LRRIQ3: variants seen among roughly 807,000 people sequenced by gnomAD.
LRRIQ3 encodes leucine-rich repeat and IQ domain-containing protein 3.
LRRIQ3 carries 75 observed loss-of-function variants against 59.3 expected under a neutral mutation model. The ratio of observed to expected loss-of-function variants is 1.26; its 90% CI spans 1.05 to 1.53. The LOEUF is 1.53. Among genes scored for constraint, LRRIQ3 ranks in the 40% most tolerant of loss-of-function variants. The pLI, the probability that LRRIQ3 is intolerant of heterozygous loss-of-function variation, is 0.00. For missense variants in LRRIQ3, 831 were observed against 710.0 expected (o/e 1.17, Z -1.94); for synonymous variants, 250 against 231.3 (o/e 1.08, Z -0.73).
chr1:74,069,803 T>C (rs1654969332), intron 6 of LRRIQ3, among the ~76,000 whole-genome samples: 2 of 152,106 alleles, frequency 1.3e-5, no homozygotes, highest in South Asian at 2.1e-4. Flanking sequence ...TACAATAATA[T>C]GCAAGCTCCA....
At chr1:74,072,211 T>C (rs1239398025) in intron 6 of LRRIQ3, among the ~76,000 whole-genome samples, 1 of 152,076 alleles carries the variant, frequency 6.6e-6, no homozygotes, top group African/African-American at 2.4e-5. Context: ...TCAGAAACAT[T>C]AAGCATCGCA....
At chr1:74,080,032 T>C (rs980700) in intron 5 of LRRIQ3, among the ~76,000 whole-genome samples, 19 of 151,734 alleles carry the variant, frequency 1.3e-4, no homozygotes, top group African/African-American at 4.6e-4. Flanking sequence ...TCTGAATTTT[T>C]TGGTGTTTCT....
At chr1:74,152,615 G>A (rs973954980) in intron 4 of LRRIQ3, among the ~76,000 whole-genome samples, 80 of 152,268 alleles carry the variant, frequency 5.3e-4, no homozygotes, top group African/African-American at 1.9e-3. Flanking sequence ...AACATTTGGG[G>A]TGTTAACATG....
At chr1:74,075,425 G>T (rs897193214) in intron 5 of LRRIQ3, among the ~76,000 whole-genome samples, 3 of 152,072 alleles carry the variant, frequency 2.0e-5, no homozygotes, top group African/African-American at 7.2e-5. Context: ...AAATTAGCCA[G>T]GTGTGGTGGT....
intron 5 of LRRIQ3, among the ~76,000 whole-genome samples, chr1:74,085,420 C>T (rs980237374): frequency 3.3e-5 from 5 of 150,216 alleles, no homozygotes; most frequent in African/African-American, 4.9e-5. Flanking sequence ...AAAAGGAGGT[C>T]GAATATAAAT....
intron 3 of LRRIQ3, among the ~76,000 whole-genome samples, chr1:74,162,332 C>T (rs1031817991): frequency 6.6e-6 from 1 of 151,684 alleles, no homozygotes; most frequent in Non-Finnish European, 1.5e-5. Context: ...AAGATAATCA[C>T]TACAAATGTT....
intron 4 of LRRIQ3, among the ~76,000 whole-genome samples, chr1:74,129,837 C>G (rs1171443225): frequency 6.6e-6 from 1 of 151,932 alleles, no homozygotes; most frequent in Non-Finnish European, 1.5e-5. Context: ...CTCTTCAAGA[C>G]AGTGGATTCT....
intron 5 of LRRIQ3, among the ~76,000 whole-genome samples, chr1:74,101,701 C>T (rs1031100921): frequency 1.3e-5 from 2 of 152,092 alleles, no homozygotes; most frequent in African/African-American, 2.4e-5. Flanking sequence ...AAATGTGGCA[C>T]ATATACACCA....
chr1:74,156,491 A>T (rs938874418), intron 3 of LRRIQ3, among the ~76,000 whole-genome samples: 1 of 152,150 alleles, frequency 6.6e-6, no homozygotes, highest in Admixed American at 6.6e-5. Context: ...TACACAAAAC[A>T]TAAGATTCTT....
chr1:74,084,337 A>C, intron 5 of LRRIQ3: 1 of 1,015,698 alleles, frequency 9.8e-7, no homozygotes, highest in South Asian at 1.9e-5. Context: ...AGTGAGCTCA[A>C]GATTTGCTTT....
In LRRIQ3 at chr1:74,060,312, TTCC is replaced by T. The variant is rs368888459; in HGVS notation, c.997+14346_997+14348del. On this transcript the variant is annotated intron_variant, in intron 6 of 7. Transcript: ENST00000354431. ...CCTCTTCCTCCTCTTCCTCTTCTTC[TTCC>T]TCCTCCTCCTCCTCTTCCACCTCCT... 5.8e-3 allele frequency among the ~76,000 whole-genome samples: 867 copies of T among 149,748 alleles called. 10 individuals are homozygous for T. The highest frequency in any genetic ancestry group is 0.026 in the East Asian group (132 of 5,042).
chr1:74,041,287 T>G lies in LRRIQ3; in HGVS notation c.1644A>C (p.Lys548Asn). 1 of 1,609,444 alleles carries G rather than the reference T, an allele frequency of 6.2e-7. No homozygotes were observed. Among genetic ancestry groups the G allele is most frequent in the Non-Finnish European group, 8.5e-7 (1 of 1,178,956 alleles). ...LEKNEAVLKE[K>N]SLIVKQKLKA... ...TTAGTTTTTGCTTAACAATCAGGCT[T>G]TTCTCTTTTAGGACAGCCTCATTCT... The change falls in exon 7 of 8, where the codon AAA (lysine) becomes AAC (asparagine). Residue 548 changes from lysine to asparagine, a missense_variant. Lys to Asn is a moderately conservative substitution (Grantham distance 94). Coordinates refer to ENST00000354431, the MANE Select transcript of LRRIQ3 (RefSeq NM_001105659.2).
At chr1:74,147,900 C>T (rs1647679497) in intron 4 of LRRIQ3, among the ~76,000 whole-genome samples, 1 of 152,226 alleles carries the variant, frequency 6.6e-6, no homozygotes, top group East Asian at 1.9e-4. Context: ...ATCTCTTCTC[C>T]TTCTGGGTCT....
chr1:74,119,616 A>C (rs538018977), intron 4 of LRRIQ3, among the ~76,000 whole-genome samples: 10 of 152,264 alleles, frequency 6.6e-5, no homozygotes, highest in African/African-American at 2.4e-4. Context: ...TTATGGGTGT[A>C]CAGTAAGAAA....
chr1:74,171,546 C>T (rs1342746848), intron 3 of LRRIQ3, among the ~76,000 whole-genome samples: 2 of 152,152 alleles, frequency 1.3e-5, no homozygotes, highest in East Asian at 3.9e-4. Context: ...GATTCAGTTT[C>T]TTAATACCTT....
intron 6 of LRRIQ3, among the ~76,000 whole-genome samples, chr1:74,060,575 T>A (rs1253206465): frequency 6.6e-6 from 1 of 152,096 alleles, no homozygotes; most frequent in Non-Finnish European, 1.5e-5. Flanking sequence ...TCATTTGTAA[T>A]TTTTTTCTCT....
rs368237329 is a variant in LRRIQ3, at chr1:74,102,432, A to G, written c.867+6962T>C. Reference sequence around the variant, plus strand: ...CAAAACTGCAATAAGATATTACCTCATATCTGTTAAGATGGCTATTATAAA... The same window carrying G: ...CAAAACTGCAATAAGATATTACCTCGTATCTGTTAAGATGGCTATTATAAA... On this transcript the variant is annotated intron_variant, in intron 5 of 7. Transcript: ENST00000354431. Among the ~76,000 whole-genome samples, 15 of 152,178 alleles carry G rather than the reference A, an allele frequency of 9.9e-5. No individual in the cohort carries two copies. In the East Asian group the frequency reaches 2.7e-3, roughly 28 times the overall value.
chr1:74,165,799 T>A lies in LRRIQ3; in HGVS notation c.574-9933A>T, dbSNP rs188116391. Among the ~76,000 whole-genome samples, 447 of 151,718 alleles carry A rather than the reference T, an allele frequency of 2.9e-3. 1 individual carries two copies. Among genetic ancestry groups the A allele is most frequent in the African/African-American group, 0.01 (421 of 41,472 alleles). The stretch of plus-strand genomic sequence containing the variant: ...TTTTTGTCACAAATAGATGTTGAAA[T>A]TTGTCAAATTTTTTTCTGCATGAAT... On this transcript the variant is annotated intron_variant, in intron 3 of 7. Coordinates refer to ENST00000354431, the MANE Select transcript of LRRIQ3 (RefSeq NM_001105659.2).
intron 7 of LRRIQ3, among the ~76,000 whole-genome samples, chr1:74,029,610 T>C (rs1042202939): frequency 2.6e-5 from 4 of 152,134 alleles, no homozygotes; most frequent in East Asian, 1.9e-4. Flanking sequence ...CAGTATTTTA[T>C]TGAGGATTTT....
Sources: gnomAD v4.1 joint callset for allele counts (sites outside exome capture counted in the v4.1 genomes callset) on GRCh38, gnomAD v4.1.1 for gene constraint, MANE v1.5 for transcripts, NCBI Gene and HGNC (gene_info 2026-07-23, HGNC 2026-07-21) for gene names.